WWOX: variants seen among roughly 807,000 people sequenced by gnomAD.
WWOX encodes WW domain-containing oxidoreductase.
WWOX carries 69 observed loss-of-function variants against 46.2 expected under a neutral mutation model. That is an observed-to-expected ratio of 1.49 (90% CI 1.23 to 1.82). The LOEUF (loss-of-function observed/expected upper bound fraction) is 1.82, where lower values mean the gene tolerates loss of function less well. Ranked by LOEUF, WWOX falls within the 40% of genes most tolerant of loss-of-function variation. The probability of loss-of-function intolerance (pLI) is 0.00; values close to 1 mark genes in which losing one functional copy is unlikely to be tolerated. For synonymous variants in WWOX, 359 were observed against 202.6 expected (o/e 1.77, Z -6.56); for missense variants, 919 against 542.6 (o/e 1.69, Z -6.89).
Position 78,956,388 on chromosome 16 carries a change from C to T in WWOX, c.1057-255220C>T, listed in dbSNP as rs541345538. On this transcript the variant is annotated intron_variant, in intron 8 of 8. Coordinates refer to ENST00000566780, the MANE Select transcript of WWOX (RefSeq NM_016373.4). Reference sequence around the variant, plus strand: ...CAGGCTGGTCTCTAACTCCTGACCTCAAGTGATCCGCCCATCTCGGCCTCC... The same window carrying T: ...CAGGCTGGTCTCTAACTCCTGACCTTAAGTGATCCGCCCATCTCGGCCTCC... Among the ~76,000 whole-genome samples the T allele has an allele frequency of 1.0e-3, 157 of 152,230 alleles. 1 individual carries two copies. Among genetic ancestry groups the T allele is most frequent in the African/African-American group, 3.5e-3 (144 of 41,524 alleles).
intron 4 of WWOX, among the ~76,000 whole-genome samples, chr16:78,124,861 C>CT (rs544740173): frequency 6.6e-6 from 1 of 152,134 alleles, no homozygotes; most frequent in Non-Finnish European, 1.5e-5. Context: ...TCACTAGACT[C>CT]TAAGAGGAGA....
At chr16:79,174,727 A>G (rs2050767171) in intron 8 of WWOX, among the ~76,000 whole-genome samples, 1 of 152,230 alleles carries the variant, frequency 6.6e-6, no homozygotes, top group Non-Finnish European at 1.5e-5. Context: ...TGAAGCCTAG[A>G]TGGTTCTTTT....
At chr16:78,260,707 G>C (rs1270506729) in intron 5 of WWOX, among the ~76,000 whole-genome samples, 6 of 150,432 alleles carry the variant, frequency 4.0e-5, no homozygotes, top group African/African-American at 1.5e-4. Context: ...GGGAGGCTGA[G>C]GCAGGTGGAT....
chr16:78,434,752 G>C (rs1000629108), intron 8 of WWOX, among the ~76,000 whole-genome samples: 35 of 152,134 alleles, frequency 2.3e-4, no homozygotes, highest in Non-Finnish European at 1.5e-5. Context: ...ATGAGTCTGT[G>C]ACTATGGAAT....
chr16:78,855,637 C>A (rs565785680), intron 8 of WWOX, among the ~76,000 whole-genome samples: 1 of 152,202 alleles, frequency 6.6e-6, no homozygotes, highest in Non-Finnish European at 1.5e-5. Context: ...AGAGGGAAGA[C>A]AACCTGTCTT....
chr16:79,038,096 G>A (rs1459896539), intron 8 of WWOX, among the ~76,000 whole-genome samples: 1 of 152,098 alleles, frequency 6.6e-6, no homozygotes, highest in African/African-American at 2.4e-5. Context: ...CAGATGAGCA[G>A]TTGGGAGAGT....
intron 8 of WWOX, among the ~76,000 whole-genome samples, chr16:78,555,345 T>C (rs2044269447): frequency 6.6e-6 from 1 of 152,078 alleles, no homozygotes; most frequent in Non-Finnish European, 1.5e-5. Flanking sequence ...CCAAAACATA[T>C]CCTTAATATT....
chr16:78,769,062 T>G (rs1280821425), intron 8 of WWOX, among the ~76,000 whole-genome samples: 1 of 152,156 alleles, frequency 6.6e-6, no homozygotes, highest in Non-Finnish European at 1.5e-5. Flanking sequence ...TGGGGTTGGG[T>G]AGGCGCAGGG....
At chr16:78,761,725 G>C (rs1250253567) in intron 8 of WWOX, among the ~76,000 whole-genome samples, 1 of 152,162 alleles carries the variant, frequency 6.6e-6, no homozygotes, top group African/African-American at 2.4e-5. Flanking sequence ...GCACTACAAG[G>C]TCCTCTTTGA....
At chr16:78,937,273 C>T (rs1047689960) in intron 8 of WWOX, among the ~76,000 whole-genome samples, 2 of 152,020 alleles carry the variant, frequency 1.3e-5, no homozygotes, top group East Asian at 1.9e-4. Flanking sequence ...ATAATACAAG[C>T]AACTGTTTAC....
intron 8 of WWOX, among the ~76,000 whole-genome samples, chr16:78,566,530 A>T (rs2044572825): frequency 6.6e-6 from 1 of 152,148 alleles, no homozygotes. Flanking sequence ...GAGGCACAGG[A>T]TGGTTCCAAG....
intron 8 of WWOX, among the ~76,000 whole-genome samples, chr16:79,056,901 C>T (rs2048273319): frequency 6.6e-6 from 1 of 152,154 alleles, no homozygotes; most frequent in African/African-American, 2.4e-5. Flanking sequence ...TTCAAACCTA[C>T]AAAACATAGT....
chr16:78,106,210 G>C (rs73562768), intron 1 of WWOX, among the ~76,000 whole-genome samples: 12,476 of 152,168 alleles, frequency 0.082, 1,078 homozygotes, highest in African/African-American at 0.22. Flanking sequence ...GAAAATGCAA[G>C]TCCATCTCTT....
chr16:79,132,689 TA>T (rs559438338), intron 8 of WWOX, among the ~76,000 whole-genome samples: 266 of 152,164 alleles, frequency 1.7e-3, no homozygotes, highest in African/African-American at 6.2e-3. Flanking sequence ...TATTGTCGCT[TA>T]AAAAAAACTT....
chr16:78,750,670 G>T (rs530269662), intron 8 of WWOX, among the ~76,000 whole-genome samples: 1 of 152,080 alleles, frequency 6.6e-6, no homozygotes, highest in East Asian at 1.9e-4. Context: ...GAAGTCCCCA[G>T]AGTCTATTGT....
chr16:78,669,591 C>T (rs1597420841), intron 8 of WWOX, among the ~76,000 whole-genome samples: 1 of 152,192 alleles, frequency 6.6e-6, no homozygotes, highest in East Asian at 1.9e-4. Flanking sequence ...GAAACGTGAC[C>T]TAGCTGGAAG....
intron 8 of WWOX, among the ~76,000 whole-genome samples, chr16:78,483,059 C>T (rs74028842): frequency 4.2e-4 from 64 of 152,266 alleles, no homozygotes; most frequent in Non-Finnish European, 6.8e-4. Flanking sequence ...AGGGCCTCTT[C>T]AACCTACCTT....
chr16:78,616,619 C>T (rs924167761), intron 8 of WWOX, among the ~76,000 whole-genome samples: 1 of 151,800 alleles, frequency 6.6e-6, no homozygotes, highest in African/African-American at 2.4e-5. Flanking sequence ...AAACTAAAAA[C>T]TTAGCCAGGC....
chr16:78,659,202 C>G (rs1402149455), intron 8 of WWOX, among the ~76,000 whole-genome samples: 1 of 152,044 alleles, frequency 6.6e-6, no homozygotes, highest in Non-Finnish European at 1.5e-5. Context: ...TTCTTATCCT[C>G]ATTTTACAGA....
Sources: gnomAD v4.1 joint callset for allele counts (sites outside exome capture counted in the v4.1 genomes callset) on GRCh38, gnomAD v4.1.1 for gene constraint, MANE v1.5 for transcripts, NCBI Gene and HGNC (gene_info 2026-07-23, HGNC 2026-07-21) for gene names.